Variants in KRT38 observed in about 807,000 individuals in gnomAD.
The protein encoded by KRT38 is keratin, type I cuticular Ha8.
In KRT38, 45 loss-of-function variants were observed where a neutral mutation model predicts 43.1. That is an observed-to-expected ratio of 1.04 (90% CI 0.82 to 1.34). The LOEUF is 1.34. Ranked by LOEUF, KRT38 falls within the 40% of genes most tolerant of loss-of-function variation. The pLI is 0.00. For synonymous variants in KRT38, 258 were observed against 244.0 expected (o/e 1.06, Z -0.53); for missense variants, 627 against 586.2 (o/e 1.07, Z -0.72).
intron 6 of KRT38, 79 bp downstream of exon 6, chr17:41,438,014 G>C (rs2018748627): frequency 7.1e-7 from 1 of 1,401,734 alleles, no homozygotes. Flanking sequence ...TCTACATAGA[G>C]ACAGCCCTTC....
At chr17:41,440,046 CT>C (rs1182196730) in intron 2 of KRT38, 114 bp downstream of exon 2, 11 of 848,014 alleles carry the variant, frequency 1.3e-5, no homozygotes, top group East Asian at 2.7e-5. Flanking sequence ...GAAAATTTTA[CT>C]GTAGAGAATC....
intron 2 of KRT38, 110 bp downstream of exon 2, chr17:41,440,051 G>A (rs1193205810): frequency 1.3e-5 from 12 of 907,122 alleles, no homozygotes; most frequent in Non-Finnish European, 2.1e-5. Context: ...TTTTACTGTA[G>A]AGAATCTAGC....
chr17:41,438,874 AG>A lies in KRT38; in HGVS notation c.733-17del. Reference sequence around the variant, plus strand: ...TCTTTACTTCCTGCAGAAGGGAGGAAGGGACAGACAGCCTGCATGAGGAAAG... The same window carrying A: ...TCTTTACTTCCTGCAGAAGGGAGGAAGGACAGACAGCCTGCATGAGGAAAG... On this transcript the variant is annotated splice_polypyrimidine_tract_variant and intron_variant, in intron 3 of 6. Coordinates refer to ENST00000246646, the MANE Select transcript of KRT38 (RefSeq NM_006771.4). The A allele has an allele frequency of 1.2e-6, 2 of 1,613,042 alleles. No homozygotes were observed. The highest frequency in any genetic ancestry group is 1.7e-6 in the Non-Finnish European group (2 of 1,179,268).
At chr17:41,440,342 C>G in intron 1 of KRT38, 88 bp downstream of exon 1, 1 of 1,597,824 alleles carries the variant, frequency 6.3e-7, no homozygotes, top group Admixed American at 1.7e-5. Context: ...AAACCAAGAA[C>G]CCAAAGTTCT....
chr17:41,440,384 C>G (rs750239428), intron 1 of KRT38, 46 bp downstream of exon 1: 1 of 1,602,476 alleles, frequency 6.2e-7, no homozygotes, highest in Non-Finnish European at 8.5e-7. Flanking sequence ...CCTGTCTTGC[C>G]TCTGCCATCT....
chr17:41,438,223 C>T lies in KRT38; in HGVS notation c.1111G>A (p.Glu371Lys). Residue 371 changes from glutamate to lysine, a missense_variant, in exon 6 of 7, where the codon GAG becomes AAG. Physicochemically the swap from Glu to Lys is moderately conservative, Grantham distance 56. Transcript: ENST00000246646. ...TCGGCCCGGATCTCAGACAGCTGCT[C>T]CTCCACGTTGCTGATGAGGCTCTGC... ...QMQSLISNVE[E>K]QLSEIRADLE... 1 of 1,614,176 alleles carries T rather than the reference C, an allele frequency of 6.2e-7. No homozygotes were observed. Among genetic ancestry groups the T allele is most frequent in the East Asian group, 2.2e-5 (1 of 44,884 alleles).
At chr17:41,440,108 T>C in intron 2 of KRT38, 53 bp downstream of exon 2, 10 of 1,400,018 alleles carry the variant, frequency 7.1e-6, no homozygotes, top group Non-Finnish European at 1.0e-5. Context: ...TATTTGGGCA[T>C]TGGGATGGAG....
In KRT38 at chr17:41,436,582, T is replaced by C. The variant is rs1181439949; in HGVS notation, c.*830A>G. 6.6e-6 allele frequency: 1 copy of C among 152,136 alleles called. No homozygotes were observed. Among genetic ancestry groups the C allele is most frequent in the Non-Finnish European group, 1.5e-5 (1 of 68,020 alleles). The allele number at this position is 152,136 out of a possible 1,614,324, so 9.4% of individuals were successfully genotyped here. On this transcript the variant is annotated 3_prime_UTR_variant, in exon 7 of 7. Transcript: ENST00000246646. Reference sequence around the variant, plus strand: ...ATCTCTACCCATTGAATCAATAGGTTTCAATACTTCAGGAGAAAGTACTAG... The same window carrying C: ...ATCTCTACCCATTGAATCAATAGGTCTCAATACTTCAGGAGAAAGTACTAG...
rs765246100 is a variant in KRT38, at chr17:41,439,212, G to A, written c.723C>T (p.Asn241=). ...LKEEQLSLKS[N]HEQEVKILRS... ...GCGCCCAGGGCCACACCTGCTCGTGGTTGCTCTTGAGGGAGAGCTGCTCCT... is the reference window on the plus strand; with the variant it reads ...GCGCCCAGGGCCACACCTGCTCGTGATTGCTCTTGAGGGAGAGCTGCTCCT... Residue 241 remains asparagine, a synonymous_variant, in exon 3 of 7, where the codon AAC becomes AAT. Coordinates refer to ENST00000246646, the MANE Select transcript of KRT38 (RefSeq NM_006771.4). 4.3e-6 allele frequency: 7 copies of A among 1,613,964 alleles called. No individual in the cohort carries two copies. Among genetic ancestry groups the A allele is most frequent in the Non-Finnish European group, 5.9e-6 (7 of 1,179,938 alleles).
rs370561631 is a variant in KRT38, at chr17:41,438,147, C to T, written c.1187G>A (p.Arg396Gln). The T allele has an allele frequency of 1.9e-5, 31 of 1,614,052 alleles. No individual in the cohort carries two copies. Among genetic ancestry groups the T allele is most frequent in the Non-Finnish European group, 2.5e-5 (29 of 1,180,038 alleles). The change falls in exon 6 of 7, where the codon CGG becomes CAG. Residue 396 changes from arginine (R) to glutamine (Q), a missense_variant. Arg to Gln is a conservative substitution (Grantham distance 43). Transcript: ENST00000246646. ...EYQVLLDVKT[R>Q]LENEIATYRN... ...GTACGTGGCAATCTCATTCTCCAGC[C>T]GGGTCTTCACGTCCAGCAGCACCTG...
intron 6 of KRT38, 82 bp downstream of exon 6, chr17:41,438,011 A>C: frequency 2.9e-6 from 4 of 1,369,996 alleles, no homozygotes; most frequent in Non-Finnish European, 4.1e-6. Context: ...CATTCTACAT[A>C]GAGACAGCCC....
In KRT38 at chr17:41,440,219, C is replaced by T. The variant is rs372416385; in HGVS notation, c.517G>A (p.Ala173Thr). The T allele has an allele frequency of 2.5e-6, 4 of 1,614,084 alleles. No homozygotes were observed. The African/African-American group carries it at 5.3e-5, about 22-fold the overall frequency. The change falls in exon 2 of 7, where the codon GCC becomes ACC. Residue 173 changes from alanine (A) to threonine (T), a missense_variant. Ala to Thr is a moderately conservative substitution (Grantham distance 58). Transcript: ENST00000246646. ...TTGTCAATTTGTACAATCAGCCTGG[C>T]ATTCTCGGCCTTGCTGCACAGGATC... ...QKILCSKAEN[A>T]RLIVQIDNAK...
chr17:41,440,698 G>A lies in KRT38; in HGVS notation c.224C>T (p.Thr75Ile), dbSNP rs948856358. 6.2e-7 allele frequency: 1 copy of A among 1,614,136 alleles called. No homozygotes were observed. The highest frequency in any genetic ancestry group is 1.3e-5 in the African/African-American group (1 of 74,948). ...PSLCLPPTCH[T>I]ACPLPGTCHI... ...GCAGGTCCCTGGCAAGGGACAAGCA[G>A]TGTGGCAGGTAGGCGGCAGACAGAG... The change falls in exon 1 of 7, where the codon ACT becomes ATT. Residue 75 changes from threonine to isoleucine, a missense_variant. By Grantham distance (89) the Thr-to-Ile change is moderately conservative (BLOSUM62 -1). Transcript: ENST00000246646.
intron 2 of KRT38, 79 bp downstream of exon 2, chr17:41,440,082 T>G (rs2018777560): frequency 2.7e-6 from 3 of 1,122,982 alleles, no homozygotes; most frequent in Admixed American, 2.0e-5. Flanking sequence ...TGACAATGAT[T>G]CCCTCACTCA....
intron 3 of KRT38, 54 bp downstream of exon 3, chr17:41,439,149 G>C (rs2018766773): frequency 3.2e-6 from 5 of 1,573,926 alleles, no homozygotes; most frequent in Non-Finnish European, 4.3e-6. Flanking sequence ...GGGCTGGGGA[G>C]CTCCCCTGTC....
At chr17:41,439,867 A>G (rs2018775564) in intron 2 of KRT38, among the ~76,000 whole-genome samples, 1 of 152,114 alleles carries the variant, frequency 6.6e-6, no homozygotes, top group Non-Finnish European at 1.5e-5. Context: ...ATGAAACCCA[A>G]TGGCTGTCTT....
chr17:41,437,927 C>T (rs1052673386), intron 6 of KRT38, among the ~76,000 whole-genome samples, 166 bp downstream of exon 6: 1 of 152,244 alleles, frequency 6.6e-6, no homozygotes, highest in South Asian at 2.1e-4. Flanking sequence ...ATGGTCATTC[C>T]CTTCATTCTG....
chr17:41,440,102 TG>T lies in KRT38; in HGVS notation c.575+58del. Reference sequence around the variant, plus strand: ...ATGATTCCCTCACTCAACAAGTATTTGGGCATTGGGATGGAGGGTGGGGAAG... The same window carrying T: ...ATGATTCCCTCACTCAACAAGTATTTGGCATTGGGATGGAGGGTGGGGAAG... On this transcript the variant is annotated intron_variant, in intron 2 of 6. Transcript: ENST00000246646. 6 of 1,315,980 alleles carry T rather than the reference TG, an allele frequency of 4.6e-6. No individual in the cohort carries two copies. In the South Asian group the frequency reaches 7.2e-5, roughly 16 times the overall value. The allele number at this position is 1,315,980 out of a possible 1,614,324, so 81.5% of individuals were successfully genotyped here.
At chr17:41,439,873 G>A (rs4796641) in intron 2 of KRT38, among the ~76,000 whole-genome samples, 63,593 of 152,070 alleles carry the variant, frequency 0.42, 13,720 homozygotes, top group East Asian at 0.54. Flanking sequence ...CCCAATGGCT[G>A]TCTTGCTCAG....
Sources: gnomAD v4.1 joint callset for allele counts (sites outside exome capture counted in the v4.1 genomes callset) on GRCh38, gnomAD v4.1.1 for gene constraint, MANE v1.5 for transcripts, NCBI Gene and HGNC (gene_info 2026-07-23, HGNC 2026-07-21) for gene names.